Variants in APBA2 observed in about 807,000 individuals in gnomAD.
APBA2 encodes the protein amyloid beta precursor protein binding family A member 2.
In APBA2, 30 loss-of-function variants were observed where a neutral mutation model predicts 75.0. That is an observed-to-expected ratio of 0.40 (90% CI 0.30 to 0.54). The LOEUF is 0.54. Among genes scored for constraint, APBA2 ranks in the 20% least tolerant of loss-of-function variants. The pLI, the probability that APBA2 is intolerant of heterozygous loss-of-function variation, is 0.49. For synonymous variants in APBA2, 444 were observed against 409.6 expected (o/e 1.08, Z -1.01); for missense variants, 801 against 1,016.1 (o/e 0.79, Z 2.88).
At chr15:29,115,127 G>A (rs1250383898) in intron 14 of APBA2, among the ~76,000 whole-genome samples, 2 of 151,940 alleles carry the variant, frequency 1.3e-5, no homozygotes, top group African/African-American at 2.4e-5. Flanking sequence ...CTACAGAGGG[G>A]CCCGCTGGGG....
chr15:29,053,797 G>A, intron 3 of APBA2, 48 bp from the exon 4 acceptor site: 1 of 1,227,598 alleles, frequency 8.1e-7, no homozygotes, highest in Admixed American at 2.1e-5. Flanking sequence ...CACATGGCTG[G>A]GCTTTGTGGG....
At chr15:29,105,012 GA>G (rs1267706362) in intron 10 of APBA2, among the ~76,000 whole-genome samples, 2 of 150,714 alleles carry the variant, frequency 1.3e-5, no homozygotes, top group African/African-American at 2.4e-5. Flanking sequence ...CATCTCGAAA[GA>G]AAAAAAAAGC....
intron 3 of APBA2, among the ~76,000 whole-genome samples, chr15:29,043,983 A>ATGTATAG (rs1376785602): frequency 6.6e-6 from 1 of 152,230 alleles, no homozygotes; most frequent in East Asian, 1.9e-4. Flanking sequence ...AACCCACATC[A>ATGTATAG]TGTATAGTGT....
chr15:28,913,589 T>C (rs547287293), intron 1 of APBA2, among the ~76,000 whole-genome samples: 1 of 152,256 alleles, frequency 6.6e-6, no homozygotes, highest in South Asian at 2.1e-4. Context: ...TGACCTCCAG[T>C]CTTTCCACAG....
intron 4 of APBA2, among the ~76,000 whole-genome samples, chr15:29,073,770 C>T (rs57102039): frequency 0.11 from 17,376 of 152,234 alleles, 2,444 homozygotes; most frequent in African/African-American, 0.33. Context: ...GGAACCTCCT[C>T]TGGGAGGTGG....
chr15:29,039,100 TGTGTGTGTGTGTGTGTGTGTGTGTG>T (rs1566934666), intron 3 of APBA2, among the ~76,000 whole-genome samples: 1 of 25,996 alleles, frequency 3.8e-5, no homozygotes, highest in African/African-American at 4.6e-4. Context: ...TATGTCAGGG[TGTGTGTGTGTGTGTGTGTGTGTGTG>T]TGTGTGTGTG....
rs1330368555 is a variant in APBA2 at position 29,116,915 on chromosome 15, C to T, written c.2179-147C>T. On this transcript the variant is annotated intron_variant, in intron 14 of 14. Coordinates refer to ENST00000683413, the MANE Select transcript of APBA2 (RefSeq NM_001353788.2). ...GGAAGGCATCATAAGTGTCCCCAGG[C>T]CTGGGCAGGCTGGCCTTCCTCCTTC... is the stretch of plus-strand genomic sequence containing the variant. 8.2e-6 allele frequency: 7 copies of T among 852,086 alleles called. No individual in the cohort carries two copies. In the Admixed American group the frequency reaches 1.2e-4, roughly 15 times the overall value. 52.8% of individuals were successfully genotyped at this position (852,086 alleles called of 1,614,324 possible). A position where few individuals can be genotyped will look rare whatever the true frequency, so the allele number is the denominator to read the frequency against.
chr15:29,066,751 A>G (rs2042395735), intron 4 of APBA2, among the ~76,000 whole-genome samples: 1 of 152,022 alleles, frequency 6.6e-6, no homozygotes, highest in Non-Finnish European at 1.5e-5. Context: ...TAAAGAAAAG[A>G]AGAGGTTTTT....
At chr15:28,992,314 G>A (rs977718154) in intron 2 of APBA2, among the ~76,000 whole-genome samples, 7 of 152,250 alleles carry the variant, frequency 4.6e-5, no homozygotes, top group Non-Finnish European at 8.8e-5. Flanking sequence ...AATAATCAAA[G>A]GTAATCAGGA....
intron 3 of APBA2, among the ~76,000 whole-genome samples, chr15:29,051,421 A>C (rs1260691999): frequency 1.3e-5 from 2 of 152,138 alleles, no homozygotes; most frequent in African/African-American, 4.8e-5. Context: ...ATTGCTCCGC[A>C]TACCAGTGAT....
At chr15:29,010,848 A>T (rs1038363072) in intron 3 of APBA2, among the ~76,000 whole-genome samples, 6 of 152,218 alleles carry the variant, frequency 3.9e-5, no homozygotes, top group African/African-American at 1.4e-4. Flanking sequence ...CACTATTTTT[A>T]AAAATTGTAG....
Position 29,007,725 on chromosome 15 carries a change from A to C in APBA2, c.-41+11919A>C, listed in dbSNP as rs543867482. Among the ~76,000 whole-genome samples, 6 of 152,212 alleles carry C rather than the reference A, an allele frequency of 3.9e-5. No homozygotes were observed. In the East Asian group the frequency reaches 5.8e-4, roughly 15 times the overall value. On this transcript the variant is annotated intron_variant, in intron 3 of 14. Transcript: ENST00000683413. ...TATTACAAAACAAAACAAAACAGAA[A>C]ATAAGTGTCTGTGAGGATGTGGCAG...
In APBA2 at chr15:29,069,557, C is replaced by T. The variant is rs74631121; in HGVS notation, c.952-5364C>T. 3.1e-3 allele frequency among the ~76,000 whole-genome samples: 470 copies of T among 152,346 alleles called. 4 individuals carry two copies. Among genetic ancestry groups the T allele is most frequent in the African/African-American group, 0.011 (452 of 41,580 alleles). On this transcript the variant is annotated intron_variant, in intron 4 of 14. Transcript: ENST00000683413. Reference sequence around the variant, plus strand: ...TTGATGGTTTGGTCTCTGGCCTCACCGCTTCAGCTCCTCTGGCCTGATCTC... The same window carrying T: ...TTGATGGTTTGGTCTCTGGCCTCACTGCTTCAGCTCCTCTGGCCTGATCTC...
At chr15:29,081,821 CCAGTCAGTGCAGCAGTGAA>C (rs1336584603) in intron 6 of APBA2, among the ~76,000 whole-genome samples, 1 of 152,208 alleles carries the variant, frequency 6.6e-6, no homozygotes, top group Non-Finnish European at 1.5e-5. Context: ...TGGGAGATTT[CCAGTCAGTGCAGCAGTGAA>C]CAGCCTTGTG....
intron 3 of APBA2, among the ~76,000 whole-genome samples, chr15:29,032,566 C>A (rs1298225564): frequency 6.6e-6 from 1 of 152,156 alleles, no homozygotes; most frequent in East Asian, 1.9e-4. Flanking sequence ...TCTGAAAATT[C>A]CTAATACTGT....
chr15:29,064,361 C>A (rs941423552), intron 4 of APBA2, among the ~76,000 whole-genome samples: 2 of 152,212 alleles, frequency 1.3e-5, no homozygotes, highest in Non-Finnish European at 2.9e-5. Context: ...ATGGCCCTTG[C>A]AAATTGGCAC....
At chr15:29,095,384 C>T (rs1036777376) in intron 8 of APBA2, among the ~76,000 whole-genome samples, 1 of 150,678 alleles carries the variant, frequency 6.6e-6, no homozygotes, top group African/African-American at 2.5e-5. Context: ...GAGCCGAGAT[C>T]ATGCCATTGC....
At chr15:29,035,978 C>A (rs1490670509) in intron 3 of APBA2, among the ~76,000 whole-genome samples, 1 of 152,176 alleles carries the variant, frequency 6.6e-6, no homozygotes, top group African/African-American at 2.4e-5. Context: ...GGCAACCTTC[C>A]TGGTTGCAAG....
intron 3 of APBA2, among the ~76,000 whole-genome samples, chr15:29,033,710 C>T (rs548727932): frequency 2.9e-4 from 44 of 152,214 alleles, no homozygotes; most frequent in Non-Finnish European, 5.6e-4. Context: ...CCTGTAATTC[C>T]AGCACTTTGG....
Sources: gnomAD v4.1 joint callset for allele counts (sites outside exome capture counted in the v4.1 genomes callset) on GRCh38, gnomAD v4.1.1 for gene constraint, MANE v1.5 for transcripts, NCBI Gene and HGNC (gene_info 2026-07-23, HGNC 2026-07-21) for gene names.